NAP1L1: variants seen among roughly 807,000 people sequenced by gnomAD.
The protein encoded by NAP1L1 is nucleosome assembly protein 1-like 1.
A neutral mutation model predicts 58.9 loss-of-function variants in NAP1L1; 9 were observed. The observed-to-expected ratio is 0.15, with a 90% CI of 0.09 to 0.27. The LOEUF (loss-of-function observed/expected upper bound fraction) is 0.27, where lower values mean the gene tolerates loss of function less well. NAP1L1 is among the 10% of genes least tolerant of loss of function. The pLI, the probability that NAP1L1 is intolerant of heterozygous loss-of-function variation, is 1.00. For synonymous variants in NAP1L1, 130 were observed against 138.3 expected (o/e 0.94, Z 0.42); for missense variants, 302 against 458.8 (o/e 0.66, Z 3.12).
chr12:76,059,804 C>A lies in NAP1L1; in HGVS notation c.423G>T (p.Glu141Asp). The A allele has an allele frequency of 1.3e-6, 2 of 1,593,704 alleles. No homozygotes were observed. Among genetic ancestry groups the A allele is most frequent in the Middle Eastern group, 1.7e-4 (1 of 5,972 alleles). Residue 141 changes from glutamate (E) to aspartate (D), a missense_variant, in exon 6 of 15, where the codon GAG (glutamate) becomes GAT (aspartate). Physicochemically the swap from Glu to Asp is conservative, Grantham distance 45 (BLOSUM62 2). Coordinates refer to ENST00000618691, the MANE Select transcript of NAP1L1 (RefSeq NM_004537.7). Reference protein sequence around the residue: ...ECEWKPDEEDEISEELKEKAK... With the variant: ...ECEWKPDEEDDISEELKEKAK... ...AAATAAAGTTGGTACTAACCGAAAT[C>A]TCATCTTCTTCATCTGGTTTCCATT...
chr12:76,054,712 C>T (rs557630217), intron 8 of NAP1L1, among the ~76,000 whole-genome samples: 42 of 152,260 alleles, frequency 2.8e-4, no homozygotes, highest in African/African-American at 1.0e-3. Context: ...AGTGGGCATC[C>T]TCTAACATCA....
At chr12:76,070,626 C>T (rs1024802123) in intron 2 of NAP1L1, among the ~76,000 whole-genome samples, 1 of 152,130 alleles carries the variant, frequency 6.6e-6, no homozygotes, top group East Asian at 1.9e-4. Context: ...TTTATTGGAA[C>T]ACAGATGCAC....
At chr12:76,069,900 C>T (rs557138384) in intron 2 of NAP1L1, among the ~76,000 whole-genome samples, 10 of 152,090 alleles carry the variant, frequency 6.6e-5, no homozygotes, top group South Asian at 6.2e-4. Flanking sequence ...AATAAGGATT[C>T]CTAAGTCAAT....
chr12:76,056,799 G>A (rs959132061), intron 6 of NAP1L1: 2 of 341,504 alleles, frequency 5.9e-6, no homozygotes, highest in African/African-American at 2.2e-5. Context: ...ATCATTTAAG[G>A]TCAGGAGTTG....
chr12:76,050,798 G>C, intron 11 of NAP1L1, 145 bp from the exon 12 acceptor site: 2 of 786,956 alleles, frequency 2.5e-6, no homozygotes, highest in Admixed American at 6.9e-5. Flanking sequence ...AGGATCACTT[G>C]AGCCCAGAAG....
At chr12:76,053,385 G>A in intron 9 of NAP1L1, 35 bp from the exon 10 acceptor site, 1 of 1,593,610 alleles carries the variant, frequency 6.3e-7, no homozygotes, top group Non-Finnish European at 8.5e-7. Context: ...TATTACAATT[G>A]ACAATCTTTC....
chr12:76,077,220 G>C (rs1021467606), intron 1 of NAP1L1, among the ~76,000 whole-genome samples: 2 of 152,176 alleles, frequency 1.3e-5, no homozygotes, highest in African/African-American at 4.8e-5. Context: ...ATCCAAGACA[G>C]AACATTTACA....
Position 76,084,120 on chromosome 12 carries a change from C to T in NAP1L1, c.-21+447G>A, listed in dbSNP as rs1051207606. ...GTTCTTTTCATCTCCCAGCGGCCTCCCTCCTGGTATTATTTTTGAGGGAAA... is the reference window on the plus strand; with the variant it reads ...GTTCTTTTCATCTCCCAGCGGCCTCTCTCCTGGTATTATTTTTGAGGGAAA... On this transcript the variant is annotated intron_variant, in intron 1 of 14. Coordinates refer to ENST00000618691, the MANE Select transcript of NAP1L1 (RefSeq NM_004537.7). The T allele has an allele frequency of 1.6e-3, 243 of 152,302 alleles. 2 individuals are homozygous for T. The highest frequency in any genetic ancestry group is 5.6e-3 in the African/African-American group (234 of 41,552). The allele number at this position is 152,302 out of a possible 1,614,324, so 9.4% of individuals were successfully genotyped here.
rs35120003 is a variant in NAP1L1, at chr12:76,068,735, TACACACACAC to T, written c.103+164_103+173del. Reference sequence around the variant, plus strand: ...GCTGTATCTATACCTACCCGCCCCTTACACACACACACACACACACACACACACACACACA... The same window carrying T: ...GCTGTATCTATACCTACCCGCCCCTTACACACACACACACACACACACACA... On this transcript the variant is annotated intron_variant, in intron 3 of 14. Transcript: ENST00000618691. The T allele has an allele frequency of 7.4e-3, 2,174 of 294,860 alleles. 14 individuals carry two copies. Among genetic ancestry groups the T allele is most frequent in the African/African-American group, 0.022 (783 of 35,146 alleles). The allele number at this position is 294,860 out of a possible 1,614,324, so 18.3% of individuals were successfully genotyped here.
rs2136942362 is a variant in NAP1L1 at position 76,046,833 on chromosome 12, AC to A, written c.*1595del. 6.5e-6 allele frequency: 1 copy of A among 152,678 alleles called. No homozygotes were observed. Among genetic ancestry groups the A allele is most frequent in the East Asian group, 1.9e-4 (1 of 5,194 alleles). The allele number at this position is 152,678 out of a possible 1,614,324, so 9.5% of individuals were successfully genotyped here. On this transcript the variant is annotated 3_prime_UTR_variant, in exon 15 of 15. Transcript: ENST00000618691. ...CCTGAGGTATTGTAAATGTGGCTCT[AC>A]AGTCTGAAATTTAATGGCATCTTTT...
intron 8 of NAP1L1, among the ~76,000 whole-genome samples, 169 bp from the exon 9 acceptor site, chr12:76,054,078 G>C (rs113673004): frequency 6.6e-6 from 1 of 152,080 alleles, no homozygotes; most frequent in Non-Finnish European, 1.5e-5. Flanking sequence ...TGCCCAGGCC[G>C]GAGTGCAGGG....
Position 76,072,680 on chromosome 12 carries a change from G to A in NAP1L1, c.17+1523C>T, listed in dbSNP as rs553066935. Among the ~76,000 whole-genome samples the A allele has an allele frequency of 3.3e-5, 5 of 152,244 alleles. No homozygotes were observed. In the South Asian group the frequency reaches 6.2e-4, roughly 19 times the overall value. ...CCAGAAATGTATATATAGTGTAAAT[G>A]TACATATTTCTTAATTATCACACAC... On this transcript the variant is annotated intron_variant, in intron 2 of 14. Transcript: ENST00000618691.
rs967505155 is a variant in NAP1L1 at position 76,042,827 on chromosome 12, G to T, written c.*5602C>A. ...ATCCTTGGAGAAATGGCCCATTCCA[G>T]GGCTGAAATAGAAAACGCCTGTAAG... On this transcript the variant is annotated 3_prime_UTR_variant, in exon 15 of 15. Coordinates refer to ENST00000618691, the MANE Select transcript of NAP1L1 (RefSeq NM_004537.7). The T allele has an allele frequency of 3.3e-5, 5 of 152,138 alleles. No individual in the cohort carries two copies. Among genetic ancestry groups the T allele is most frequent in the Non-Finnish European group, 5.9e-5 (4 of 68,024 alleles). 9.4% of individuals were successfully genotyped at this position (152,138 alleles called of 1,614,324 possible).
rs1948735893 is a variant in NAP1L1, at chr12:76,049,794, G to A, written c.1060-9C>T. ...TCACCTTCTTCATCATACTGAAAAG[G>A]AAAAACAGCGTTAAGTGTTGAGTGA... On this transcript the variant is annotated splice_polypyrimidine_tract_variant and intron_variant, in intron 12 of 14. Transcript: ENST00000618691. The A allele has an allele frequency of 1.3e-5, 21 of 1,612,464 alleles. No individual in the cohort carries two copies. The highest frequency in any genetic ancestry group is 2.7e-5 in the African/African-American group (2 of 74,840).
At chr12:76,070,167 G>A (rs191371271) in intron 2 of NAP1L1, among the ~76,000 whole-genome samples, 2 of 151,518 alleles carry the variant, frequency 1.3e-5, no homozygotes, top group Admixed American at 1.3e-4. Flanking sequence ...CACCCAGGCT[G>A]CCTGGAGTGC....
In NAP1L1 at chr12:76,053,295, T is replaced by G. The variant is rs1483369924; in HGVS notation, c.826A>C (p.Lys276Gln). ...KNVTLKTIKK[K>Q]QKHKGRGTVR... is the part of the protein sequence containing the mutation. ...GTCCCACGTCCCTTGTGTTTCTGCT[T>G]CTTCTTAATAGTTTTCAAAGTGACA... Residue 276 changes from lysine to glutamine, a missense_variant, in exon 10 of 15, where the codon AAG becomes CAG. Transcript: ENST00000618691. 9 of 1,613,910 alleles carry G rather than the reference T, an allele frequency of 5.6e-6. No individual in the cohort carries two copies. The highest frequency in any genetic ancestry group is 1.3e-5 in the African/African-American group (1 of 74,928).
chr12:76,071,791 T>C (rs182008236), intron 2 of NAP1L1, among the ~76,000 whole-genome samples: 1 of 152,050 alleles, frequency 6.6e-6, no homozygotes, highest in Non-Finnish European at 1.5e-5. Flanking sequence ...CAGGAAAGGG[T>C]AAAATTCAGA....
rs1404632983 is a variant in NAP1L1, at chr12:76,055,083, T to C, written c.566A>G (p.Asp189Gly). ...TTTCAAGTGCTTCAGAATAGGTTCA[T>C]CGTGTTCCTTCAAATTAAAAAAATA... is the stretch of plus-strand genomic sequence containing the variant. ...DLLSDMVQEH[D>G]EPILKHLKDI... Residue 189 changes from aspartate (D) to glycine (G), a missense_variant, in exon 8 of 15, where the codon GAT becomes GGT. By Grantham distance (94) the Asp-to-Gly change is moderately conservative. Transcript: ENST00000618691. 2 of 1,594,302 alleles carry C rather than the reference T, an allele frequency of 1.3e-6. No individual in the cohort carries two copies. The highest frequency in any genetic ancestry group is 2.7e-5 in the African/African-American group (2 of 74,252).
At chr12:76,063,881 TAAAA>T (rs10693123) in intron 4 of NAP1L1, among the ~76,000 whole-genome samples, 5,021 of 137,426 alleles carry the variant, frequency 0.037, 311 homozygotes, top group African/African-American at 0.13. Context: ...GTTAAAAGTT[TAAAA>T]AAAAAAAAAA....
Sources: gnomAD v4.1 joint callset for allele counts (sites outside exome capture counted in the v4.1 genomes callset) on GRCh38, gnomAD v4.1.1 for gene constraint, MANE v1.5 for transcripts, NCBI Gene and HGNC (gene_info 2026-07-23, HGNC 2026-07-21) for gene names.